SYNE1: variants seen among roughly 807,000 people sequenced by gnomAD.
SYNE1 encodes nesprin-1.
Under a neutral mutation model 1,111.0 loss-of-function variants are expected in SYNE1, and 616 were observed. That is an observed-to-expected ratio of 0.55 (90% CI 0.52 to 0.59). The LOEUF (loss-of-function observed/expected upper bound fraction) is 0.59. SYNE1 is among the 20% of genes least tolerant of loss of function. SYNE1 has a pLI of 0.00. For missense variants in SYNE1, 10,006 were observed against 10,417.0 expected (o/e 0.96, Z 1.72); for synonymous variants, 3,855 against 3,825.8 (o/e 1.01, Z -0.28).
At position 152,329,947 on chromosome 6, in the gene SYNE1, A is replaced by G. The variant is rs2096206184; in HGVS notation, c.14738T>C (p.Leu4913Pro). ...TTGGATGTCCTGCAGGTTGAGGTCT[A>G]GGTACACCGGCCCACTGAGCTCTGC... is the stretch of plus-strand genomic sequence containing the variant. ...VKAELSGPVY[L>P]DLNLQDIQEE... is the part of the protein sequence containing the mutation. The change falls in exon 78 of 146, where the codon CTA becomes CCA. Residue 4913 changes from leucine to proline, a missense_variant. Coordinates refer to ENST00000367255, the MANE Select transcript of SYNE1 (RefSeq NM_182961.4). The G allele has an allele frequency of 6.2e-7, 1 of 1,614,160 alleles. No homozygotes were observed. The highest frequency in any genetic ancestry group is 1.1e-5 in the South Asian group (1 of 91,084).
intron 90 of SYNE1, 51 bp from the exon 91 acceptor site, chr6:152,308,683 A>G: frequency 1.3e-6 from 2 of 1,566,030 alleles, no homozygotes; most frequent in Non-Finnish European, 1.7e-6. Flanking sequence ...TTCTCTACCA[A>G]TAACTAGGTA....
intron 25 of SYNE1, among the ~76,000 whole-genome samples, chr6:152,452,398 A>G (rs184107798): frequency 6.6e-6 from 1 of 152,312 alleles, no homozygotes; most frequent in East Asian, 1.9e-4. Flanking sequence ...ACATCTAACA[A>G]AGCTTGGATT....
chr6:152,445,823 T>C (rs914062849), intron 29 of SYNE1, among the ~76,000 whole-genome samples: 2 of 152,104 alleles, frequency 1.3e-5, no homozygotes, highest in Non-Finnish European at 2.9e-5. Flanking sequence ...GCCACATCCA[T>C]CTCTTCATAC....
intron 3 of SYNE1, among the ~76,000 whole-genome samples, chr6:152,586,266 A>G (rs1372859941): frequency 6.6e-6 from 1 of 152,126 alleles, no homozygotes. Flanking sequence ...TCAAGAGTGC[A>G]ATTTTAGCTT....
intron 22 of SYNE1, among the ~76,000 whole-genome samples, chr6:152,457,787 T>C (rs912007946): frequency 6.6e-6 from 1 of 151,906 alleles, no homozygotes; most frequent in East Asian, 1.9e-4. Flanking sequence ...AAGGCACGTA[T>C]GCCTTTTTAA....
intron 78 of SYNE1, among the ~76,000 whole-genome samples, chr6:152,328,620 C>T (rs983464978): frequency 1.3e-5 from 2 of 151,284 alleles, no homozygotes; most frequent in East Asian, 3.9e-4. Flanking sequence ...CCATGTTGGT[C>T]AGGCTGGTGT....
chr6:152,501,938 A>G (rs1280944888), intron 10 of SYNE1, among the ~76,000 whole-genome samples: 1 of 152,286 alleles, frequency 6.6e-6, no homozygotes, highest in South Asian at 2.1e-4. Context: ...CCATAATTCT[A>G]TTTTTATTAA....
intron 3 of SYNE1, among the ~76,000 whole-genome samples, chr6:152,602,737 T>C (rs938078705): frequency 2.6e-5 from 4 of 152,192 alleles, no homozygotes; most frequent in African/African-American, 9.7e-5. Context: ...TTGCTTCCTC[T>C]TTTTATTCAT....
At chr6:152,481,278 G>C (rs192726120) in intron 14 of SYNE1, 113 of 244,930 alleles carry the variant, frequency 4.6e-4, no homozygotes, top group African/African-American at 2.3e-3. Flanking sequence ...CCTGGACCTC[G>C]TCTGTGCCCC....
chr6:152,435,313 A>G (rs1375131538), intron 33 of SYNE1: 1 of 151,650 alleles, frequency 6.6e-6, no homozygotes, highest in African/African-American at 2.4e-5. Context: ...GTATCCTCAT[A>G]TGTTTTTCCC....
Position 152,308,578 on chromosome 6 carries a change from G to C in SYNE1, c.17257C>G (p.Leu5753Val). Reference sequence around the variant, plus strand: ...ATCTCTCTGTGAGCTCCTTCTATCAGTTGCTGGAGATGTTTCATTTCTTGC... The same window carrying C: ...ATCTCTCTGTGAGCTCCTTCTATCACTTGCTGGAGATGTTTCATTTCTTGC... ...YEQEMKHLQQ[L>V]IEGAHREIED... The change falls in exon 91 of 146, where the codon CTG becomes GTG. Residue 5753 changes from leucine (L) to valine (V), a missense_variant. Leu to Val is a conservative substitution (Grantham distance 32). This residue lies in a region of SYNE1 where 4,955 missense variants were observed against 5,017.2 expected (regional missense o/e 0.99). Coordinates refer to ENST00000367255, the MANE Select transcript of SYNE1 (RefSeq NM_182961.4). 6.2e-7 allele frequency: 1 copy of C among 1,612,818 alleles called. No homozygotes were observed. Among genetic ancestry groups the C allele is most frequent in the Non-Finnish European group, 8.5e-7 (1 of 1,179,818 alleles).
intron 49 of SYNE1, among the ~76,000 whole-genome samples, chr6:152,397,207 C>G (rs1328444781): frequency 6.6e-6 from 1 of 152,190 alleles, no homozygotes; most frequent in Non-Finnish European, 1.5e-5. Flanking sequence ...TGAGCTGGAA[C>G]CGAGGACGTT....
chr6:152,216,993 G>A (rs1351517706), intron 121 of SYNE1, among the ~76,000 whole-genome samples: 1 of 150,834 alleles, frequency 6.6e-6, no homozygotes, highest in Admixed American at 6.6e-5. Flanking sequence ...AAACTGGGAG[G>A]CAGGGGTTGC....
chr6:152,346,603 G>A (rs1760389384), intron 73 of SYNE1, among the ~76,000 whole-genome samples: 1 of 151,752 alleles, frequency 6.6e-6, no homozygotes, highest in Non-Finnish European at 1.5e-5. Context: ...GAGGTCAGGA[G>A]ATCGAAACCA....
intron 21 of SYNE1, among the ~76,000 whole-genome samples, chr6:152,461,344 T>C (rs1195499015): frequency 1.3e-5 from 2 of 152,314 alleles, no homozygotes; most frequent in East Asian, 3.9e-4. Context: ...ATGTAACCGT[T>C]CCCCAAAAGT....
Position 152,465,475 on chromosome 6 carries a change from A to C in SYNE1, c.1730-15T>G. On this transcript the variant is annotated splice_polypyrimidine_tract_variant and intron_variant, in intron 17 of 145. Transcript: ENST00000367255. ...AGCTTCTTCCACTGAAACAGATAAA[A>C]CCAATTATAACCCTTATCTCATATT... is the stretch of plus-strand genomic sequence containing the variant. 1 of 1,606,890 alleles carries C rather than the reference A, an allele frequency of 6.2e-7. No individual in the cohort carries two copies. The highest frequency in any genetic ancestry group is 1.1e-5 in the South Asian group (1 of 90,630).
At chr6:152,216,283 AG>A (rs1376676664) in intron 121 of SYNE1, among the ~76,000 whole-genome samples, 1 of 152,218 alleles carries the variant, frequency 6.6e-6, no homozygotes, top group African/African-American at 2.4e-5. Context: ...TGGCACTTAC[AG>A]GGAATAAGAT....
At chr6:152,540,484 C>T (rs1413264570) in intron 3 of SYNE1, among the ~76,000 whole-genome samples, 1 of 152,070 alleles carries the variant, frequency 6.6e-6, no homozygotes. Context: ...AAGATAGAGC[C>T]GTATACATGA....
chr6:152,617,848 A>C (rs2099663169), intron 3 of SYNE1, among the ~76,000 whole-genome samples: 1 of 152,236 alleles, frequency 6.6e-6, no homozygotes, highest in African/African-American at 2.4e-5. Context: ...GAAAGGCAAA[A>C]GGTAAAAAGA....
Sources: gnomAD v4.1 joint callset for allele counts (sites outside exome capture counted in the v4.1 genomes callset) on GRCh38, gnomAD v4.1.1 for gene constraint, gnomAD v4.1.1 regional missense constraint, MANE v1.5 for transcripts, NCBI Gene and HGNC (gene_info 2026-07-23, HGNC 2026-07-21) for gene names.